Variants in OXR1 observed in about 807,000 individuals in gnomAD.
The protein encoded by OXR1 is oxidation resistance protein 1.
In OXR1, 41 loss-of-function variants were observed where a neutral mutation model predicts 104.6. The ratio of observed to expected loss-of-function variants is 0.39; its 90% confidence interval spans 0.31 to 0.51. OXR1 has a LOEUF of 0.51. Among genes scored for constraint, OXR1 ranks in the 20% least tolerant of loss-of-function variants. The pLI is 0.77. For missense variants in OXR1, 955 were observed against 1,031.9 expected, an observed-to-expected ratio of 0.93 and a Z score of 1.02; for synonymous variants, 348 against 348.4, an observed-to-expected ratio of 1.00 and a Z score of 0.01.
intron 1 of OXR1, among the ~76,000 whole-genome samples, chr8:106,280,868 G>A (rs1300062226): frequency 3.3e-5 from 5 of 152,170 alleles, no homozygotes; most frequent in African/African-American, 1.2e-4. Flanking sequence ...GGGAGCCTCA[G>A]ACACAAGGGA....
At chr8:106,346,799 G>A (rs914742450) in intron 1 of OXR1, among the ~76,000 whole-genome samples, 2 of 152,132 alleles carry the variant, frequency 1.3e-5, no homozygotes, top group Admixed American at 6.5e-5. Flanking sequence ...CAGCACTTTG[G>A]GAGGCCAAGG....
chr8:106,681,888 T>G (rs1342770183), intron 4 of OXR1, among the ~76,000 whole-genome samples: 1 of 152,188 alleles, frequency 6.6e-6, no homozygotes, highest in Non-Finnish European at 1.5e-5. Context: ...CAAAAATTTG[T>G]GCTTCATGAG....
In OXR1 at chr8:106,634,259, T is replaced by C. The variant is rs573986307; in HGVS notation, c.221-44951T>C. Among the ~76,000 whole-genome samples the C allele has an allele frequency of 1.9e-3, 283 of 152,350 alleles. 4 individuals carry two copies. The highest frequency in any genetic ancestry group is 6.5e-3 in the African/African-American group (269 of 41,576). ...AACAATATGCTCCCTCTGAGGGTCCTGCCTAGTTCTGTGGCATGCAAAGCT... is the reference window on the plus strand; with the variant it reads ...AACAATATGCTCCCTCTGAGGGTCCCGCCTAGTTCTGTGGCATGCAAAGCT... On this transcript the variant is annotated intron_variant, in intron 3 of 16. Coordinates refer to ENST00000517566, the MANE Select transcript of OXR1 (RefSeq NM_001198533.2).
intron 2 of OXR1, among the ~76,000 whole-genome samples, chr8:106,495,994 T>C (rs575323033): frequency 6.6e-6 from 1 of 152,304 alleles, no homozygotes; most frequent in Admixed American, 6.5e-5. Flanking sequence ...TGGTTCATTA[T>C]CTGCATTTAT....
chr8:106,418,513 C>T (rs1818772113), intron 2 of OXR1, among the ~76,000 whole-genome samples: 1 of 150,886 alleles, frequency 6.6e-6, no homozygotes, highest in Admixed American at 6.7e-5. Flanking sequence ...GCTAAAGCTC[C>T]TTCCTGTTGT....
intron 1 of OXR1, among the ~76,000 whole-genome samples, chr8:106,346,814 C>T (rs892597671): frequency 1.1e-4 from 17 of 152,146 alleles, no homozygotes; most frequent in East Asian, 3.9e-4. Flanking sequence ...CCAAGGCGGG[C>T]GGATCACGGG....
At chr8:106,414,617 CG>C (rs1193516988) in intron 2 of OXR1, among the ~76,000 whole-genome samples, 1 of 151,874 alleles carries the variant, frequency 6.6e-6, no homozygotes, top group Non-Finnish European at 1.5e-5. Flanking sequence ...CTCATGTAGA[CG>C]GATGGGTGGG....
chr8:106,497,686 ACT>A (rs1450907446), intron 2 of OXR1, among the ~76,000 whole-genome samples: 4 of 151,942 alleles, frequency 2.6e-5, no homozygotes, highest in Admixed American at 2.6e-4. Context: ...GTATTGAATG[ACT>A]CTGATGTTTG....
chr8:106,534,648 C>A (rs1814346338), intron 3 of OXR1, among the ~76,000 whole-genome samples: 1 of 152,206 alleles, frequency 6.6e-6, no homozygotes, highest in East Asian at 1.9e-4. Flanking sequence ...CTCTATCAGT[C>A]ATTGGCTGTG....
intron 1 of OXR1, among the ~76,000 whole-genome samples, chr8:106,302,879 G>A (rs1813304415): frequency 6.6e-6 from 1 of 151,668 alleles, no homozygotes; most frequent in African/African-American, 2.4e-5. Flanking sequence ...GGCCTCCCGA[G>A]TAGCTGGGAC....
intron 1 of OXR1, among the ~76,000 whole-genome samples, chr8:106,273,905 C>T (rs368650791): frequency 1.3e-5 from 2 of 152,202 alleles, no homozygotes. Context: ...CAAATCAGAA[C>T]TATTCTGCTG....
chr8:106,530,242 A>AT (rs1376122376), intron 3 of OXR1, among the ~76,000 whole-genome samples: 3 of 151,886 alleles, frequency 2.0e-5, no homozygotes, highest in South Asian at 4.2e-4. Flanking sequence ...GTATCTCCTG[A>AT]TTTTTTTTAA....
intron 3 of OXR1, among the ~76,000 whole-genome samples, chr8:106,637,629 T>C (rs1397357753): frequency 6.6e-6 from 1 of 152,198 alleles, no homozygotes; most frequent in African/African-American, 2.4e-5. Flanking sequence ...TAGACAAGAA[T>C]GTCATTGTTT....
At chr8:106,725,320 G>A (rs1043339658) in intron 11 of OXR1, among the ~76,000 whole-genome samples, 1 of 151,980 alleles carries the variant, frequency 6.6e-6, no homozygotes, top group East Asian at 1.9e-4. Flanking sequence ...GTGAAAAGGT[G>A]GCATCATGTG....
intron 2 of OXR1, among the ~76,000 whole-genome samples, chr8:106,415,493 CTGTG>C (rs5893788): frequency 7.9e-4 from 118 of 148,990 alleles, no homozygotes; most frequent in Non-Finnish European, 1.2e-3. Context: ...AATTTTAAGA[CTGTG>C]TGTGTGTGTG....
intron 1 of OXR1, among the ~76,000 whole-genome samples, chr8:106,290,687 G>GA: frequency 6.6e-6 from 1 of 152,028 alleles, no homozygotes; most frequent in Non-Finnish European, 1.5e-5. Context: ...ACACACATAT[G>GA]AAAAAATACT....
intron 3 of OXR1, among the ~76,000 whole-genome samples, chr8:106,643,594 A>G (rs1823839445): frequency 6.6e-6 from 1 of 152,210 alleles, no homozygotes; most frequent in African/African-American, 2.4e-5. Context: ...AGTTTGACCT[A>G]GCTTTCACAG....
chr8:106,702,391 A>T (rs542270652), intron 7 of OXR1, among the ~76,000 whole-genome samples: 3 of 152,336 alleles, frequency 2.0e-5, no homozygotes, highest in Non-Finnish European at 4.4e-5. Context: ...AAGCCCAGAG[A>T]CTCCTTGCCC....
chr8:106,540,707 T>C (rs1814886975), intron 3 of OXR1, among the ~76,000 whole-genome samples: 1 of 152,170 alleles, frequency 6.6e-6, no homozygotes, highest in African/African-American at 2.4e-5. Flanking sequence ...TCCACGTGGC[T>C]GGGGAAGCCT....
Sources: allele counts gnomAD v4.1 joint callset (sites outside exome capture counted in the v4.1 genomes callset), GRCh38; gene constraint gnomAD v4.1.1; transcripts MANE v1.5; gene names NCBI Gene and HGNC (gene_info 2026-07-23, HGNC 2026-07-21).